Variants in NTRK2 observed in about 807,000 individuals in gnomAD.
NTRK2 encodes the protein BDNF/NT-3 growth factors receptor.
In NTRK2, 13 loss-of-function variants were observed where a neutral mutation model predicts 94.5. That is an observed-to-expected ratio of 0.14 (90% CI 0.09 to 0.22). The LOEUF (loss-of-function observed/expected upper bound fraction) is 0.22. Ranked by LOEUF, NTRK2 falls within the 10% of genes least tolerant of loss-of-function variation. The pLI, the probability that NTRK2 is intolerant of heterozygous loss-of-function variation, is 1.00. For synonymous variants in NTRK2, 372 were observed against 407.4 expected, an observed-to-expected ratio of 0.91 and a Z score of 1.05; for missense variants, 639 against 1,071.2, an observed-to-expected ratio of 0.60 and a Z score of 5.63.
intron 12 of NTRK2, among the ~76,000 whole-genome samples, chr9:84,818,774 C>A (rs943919846): frequency 1.3e-5 from 2 of 152,108 alleles, no homozygotes; most frequent in African/African-American, 4.8e-5. Flanking sequence ...GGAAACCTTG[C>A]GAGTGGAAAG....
chr9:84,727,521 C>T, intron 8 of NTRK2, 133 bp from the exon 9 acceptor site: 1 of 853,220 alleles, frequency 1.2e-6, no homozygotes, highest in African/African-American at 1.7e-5. Flanking sequence ...TGATGGATTC[C>T]AGAGTTTCTG....
intron 17 of NTRK2, among the ~76,000 whole-genome samples, chr9:84,999,201 TG>T (rs55639540): frequency 0.73 from 110,914 of 152,054 alleles, 41,095 homozygotes; most frequent in African/African-American, 0.82. Context: ...AACGTACTTT[TG>T]GTGGCCCCAA....
chr9:84,980,062 G>T (rs1827389854), intron 17 of NTRK2, among the ~76,000 whole-genome samples: 1 of 152,142 alleles, frequency 6.6e-6, no homozygotes, highest in South Asian at 2.1e-4. Context: ...TTGCTTTATT[G>T]CAGTGGTATG....
At chr9:84,972,959 G>A (rs1390892865) in intron 17 of NTRK2, among the ~76,000 whole-genome samples, 2 of 152,102 alleles carry the variant, frequency 1.3e-5, no homozygotes, top group African/African-American at 4.8e-5. Flanking sequence ...CTCTCCCTAC[G>A]CTCTCCATTG....
chr9:84,715,208 A>G (rs1283742953), intron 6 of NTRK2, among the ~76,000 whole-genome samples: 2 of 152,206 alleles, frequency 1.3e-5, no homozygotes, highest in Non-Finnish European at 2.9e-5. Context: ...CAGGTTTTTA[A>G]TATAATGGTG....
chr9:84,989,703 A>C (rs80049803), intron 17 of NTRK2, among the ~76,000 whole-genome samples: 2,622 of 152,356 alleles, frequency 0.017, 70 homozygotes, highest in African/African-American at 0.059. Flanking sequence ...GAGCAGAACC[A>C]GGCTATAAGC....
At chr9:84,992,406 A>C (rs994936835) in intron 17 of NTRK2, among the ~76,000 whole-genome samples, 3 of 151,146 alleles carry the variant, frequency 2.0e-5, no homozygotes, top group Admixed American at 2.0e-4. Flanking sequence ...CTCGGGGGCT[A>C]CTCCACTAGA....
intron 2 of NTRK2, among the ~76,000 whole-genome samples, chr9:84,686,479 C>T (rs990747815): frequency 1.3e-5 from 2 of 152,150 alleles, no homozygotes; most frequent in Non-Finnish European, 1.5e-5. Flanking sequence ...AATGGATATC[C>T]TTGTGGATCA....
chr9:84,877,106 A>G (rs2076094052), intron 14 of NTRK2: 2 of 1,064,932 alleles, frequency 1.9e-6, no homozygotes, highest in African/African-American at 1.6e-5. Context: ...AATCAATCAC[A>G]CTTTCCTTCT....
rs924827820 is a variant in NTRK2 at position 84,670,980 on chromosome 9, C to T, written c.212+20C>T. ...CGAAATGTGAGTTCCTGGAGCTTTT[C>T]CTCCTTTTTCTCCTTGCCCCTAGGG... On this transcript the variant is annotated intron_variant, in intron 2 of 18. Coordinates refer to ENST00000277120, the MANE Select transcript of NTRK2 (RefSeq NM_006180.6). 19 of 1,599,816 alleles carry T rather than the reference C, an allele frequency of 1.2e-5. No homozygotes were observed. Among genetic ancestry groups the T allele is most frequent in the Non-Finnish European group, 1.6e-5 (19 of 1,179,190 alleles).
intron 12 of NTRK2, among the ~76,000 whole-genome samples, chr9:84,845,258 C>A (rs1316684803): frequency 6.6e-6 from 1 of 151,234 alleles, no homozygotes; most frequent in East Asian, 1.9e-4. Context: ...TATACACACA[C>A]ACACACACAC....
At chr9:84,743,437 G>A (rs1315215151) in intron 10 of NTRK2, among the ~76,000 whole-genome samples, 1 of 151,888 alleles carries the variant, frequency 6.6e-6, no homozygotes, top group Admixed American at 6.6e-5. Flanking sequence ...TTTTAAGTTG[G>A]GGAATAATAT....
At chr9:84,707,816 C>A in intron 4 of NTRK2, 28 bp from the exon 5 acceptor site, 4 of 1,558,204 alleles carry the variant, frequency 2.6e-6, no homozygotes, top group Non-Finnish European at 3.5e-6. Flanking sequence ...ATTTTAAATT[C>A]ATGTTTAATG....
At chr9:84,982,946 G>A (rs1267574572) in intron 17 of NTRK2, among the ~76,000 whole-genome samples, 1 of 152,054 alleles carries the variant, frequency 6.6e-6, no homozygotes, top group Admixed American at 6.5e-5. Context: ...TAGAGCAGTG[G>A]TGGATTTTTT....
At chr9:84,765,834 G>A (rs773122852) in intron 12 of NTRK2, among the ~76,000 whole-genome samples, 116 of 151,898 alleles carry the variant, frequency 7.6e-4, no homozygotes, top group Admixed American at 3.9e-3. Flanking sequence ...GTGTTCATTA[G>A]AAAAAATATA....
intron 14 of NTRK2, among the ~76,000 whole-genome samples, chr9:84,914,675 T>C (rs1308298007): frequency 2.6e-5 from 4 of 152,212 alleles, no homozygotes; most frequent in African/African-American, 4.8e-5. Flanking sequence ...GAGTTTTCTG[T>C]ATAGACTTCC....
chr9:85,007,543 GGAC>G (rs1420663864), intron 17 of NTRK2, among the ~76,000 whole-genome samples: 2 of 152,184 alleles, frequency 1.3e-5, no homozygotes, highest in African/African-American at 4.8e-5. Context: ...GTAGCCCAGG[GGAC>G]AGGGGGAGGA....
chr9:84,869,009 C>T (rs778007007), intron 14 of NTRK2, among the ~76,000 whole-genome samples: 2 of 152,120 alleles, frequency 1.3e-5, no homozygotes, highest in Non-Finnish European at 2.9e-5. Flanking sequence ...ATTAAGTAGA[C>T]CCGATCAGCC....
intron 5 of NTRK2, among the ~76,000 whole-genome samples, chr9:84,708,826 A>G (rs183111967): frequency 6.6e-6 from 1 of 152,344 alleles, no homozygotes; most frequent in East Asian, 1.9e-4. Flanking sequence ...AAGTCTTGGC[A>G]ATTGAGAATT....
Sources: gnomAD v4.1 joint callset for allele counts (sites outside exome capture counted in the v4.1 genomes callset) on GRCh38, gnomAD v4.1.1 for gene constraint, MANE v1.5 for transcripts, NCBI Gene and HGNC (gene_info 2026-07-23, HGNC 2026-07-21) for gene names.